Variants in CNBD1 observed in about 807,000 individuals in gnomAD.
The protein encoded by CNBD1 is cyclic nucleotide binding domain containing 1.
In CNBD1, 71 loss-of-function variants were observed where a neutral mutation model predicts 54.4. The observed-to-expected ratio is 1.30, with a 90% CI of 1.08 to 1.59. The LOEUF is 1.59. Among genes scored for constraint, CNBD1 ranks in the 40% most tolerant of loss-of-function variants. The probability of loss-of-function intolerance (pLI) is 0.00; values close to 1 mark genes in which losing one functional copy is unlikely to be tolerated. For missense variants in CNBD1, 659 were observed against 518.0 expected (o/e 1.27, Z -2.64); for synonymous variants, 182 against 170.7 (o/e 1.07, Z -0.51).
At chr8:87,218,932 T>G (rs1259347757) in intron 5 of CNBD1, among the ~76,000 whole-genome samples, 1 of 151,984 alleles carries the variant, frequency 6.6e-6, no homozygotes, top group Non-Finnish European at 1.5e-5. Context: ...TATTTTTGTA[T>G]GCTCACAAGA....
chr8:86,877,954 A>T (rs1455117199), intron 1 of CNBD1, among the ~76,000 whole-genome samples: 1 of 151,680 alleles, frequency 6.6e-6, no homozygotes. Flanking sequence ...GCAGTTTCCC[A>T]TGTGGATTTT....
At chr8:87,345,045 G>T (rs1267367778) in intron 8 of CNBD1, among the ~76,000 whole-genome samples, 2 of 152,084 alleles carry the variant, frequency 1.3e-5, no homozygotes, top group Non-Finnish European at 2.9e-5. Context: ...AGTGCACTGT[G>T]CCTTACACAT....
intron 4 of CNBD1, among the ~76,000 whole-genome samples, chr8:87,160,608 G>A (rs1812836156): frequency 6.6e-6 from 1 of 152,034 alleles, no homozygotes; most frequent in Non-Finnish European, 1.5e-5. Context: ...CTGCTTTAAA[G>A]ATAGTCTTTG....
At chr8:87,317,072 G>T (rs1383455149) in intron 8 of CNBD1, among the ~76,000 whole-genome samples, 1 of 151,690 alleles carries the variant, frequency 6.6e-6, no homozygotes, top group Non-Finnish European at 1.5e-5. Context: ...ATCTCAGAGG[G>T]TTGTTATAAG....
intron 4 of CNBD1, among the ~76,000 whole-genome samples, chr8:87,067,298 A>C (rs540306421): frequency 6.6e-6 from 1 of 152,136 alleles, no homozygotes; most frequent in African/African-American, 2.4e-5. Flanking sequence ...GATAAAGAAC[A>C]CACATTTTTC....
chr8:87,355,960 C>T (rs1810411515), intron 10 of CNBD1, among the ~76,000 whole-genome samples: 1 of 151,994 alleles, frequency 6.6e-6, no homozygotes, highest in Non-Finnish European at 1.5e-5. Context: ...CATGAAAGAG[C>T]TGGCTCTTTA....
chr8:87,106,645 C>G (rs564035458), intron 4 of CNBD1, among the ~76,000 whole-genome samples: 1 of 152,116 alleles, frequency 6.6e-6, no homozygotes, highest in Non-Finnish European at 1.5e-5. Context: ...CTTCTCTACC[C>G]TTTTTTGGTT....
intron 4 of CNBD1, among the ~76,000 whole-genome samples, chr8:87,094,008 C>G (rs2130683841): frequency 6.6e-6 from 1 of 152,300 alleles, no homozygotes; most frequent in Middle Eastern, 3.4e-3. Context: ...TTAGAACACA[C>G]TTAACCTGCA....
chr8:86,910,217 G>T (rs183804599), intron 3 of CNBD1, among the ~76,000 whole-genome samples: 1 of 152,224 alleles, frequency 6.6e-6, no homozygotes, highest in African/African-American at 2.4e-5. Context: ...TGGAGGATGG[G>T]AAAAGCCAGC....
intron 4 of CNBD1, among the ~76,000 whole-genome samples, chr8:87,005,097 G>T (rs1485569362): frequency 2.0e-5 from 3 of 151,496 alleles, no homozygotes; most frequent in Non-Finnish European, 2.9e-5. Context: ...GAAAAAGAAA[G>T]TCTCAGCAGG....
chr8:87,357,469 G>A (rs1045045151), intron 10 of CNBD1, among the ~76,000 whole-genome samples: 7 of 152,156 alleles, frequency 4.6e-5, no homozygotes, highest in Non-Finnish European at 8.8e-5. Context: ...CAACAGAGAC[G>A]ATTTTGGAGC....
At position 87,382,622 on chromosome 8, in the gene CNBD1, G is replaced by T; in HGVS notation, c.1306G>T (p.Ala436Ser). 1 of 1,536,928 alleles carries T rather than the reference G, an allele frequency of 6.5e-7. No individual in the cohort carries two copies. Among genetic ancestry groups the T allele is most frequent in the Non-Finnish European group, 8.8e-7 (1 of 1,135,690 alleles). ...AIIEDKDLFV[A>S] The stretch of plus-strand genomic sequence containing the variant: ...GTTTGTTTGTTTGCCTTTTGCAGTG[G>T]CCTAGATCTAGAAACAACCTCAGTG... The change falls in exon 11 of 11, where the codon GCC becomes TCC. Residue 436 changes from alanine to serine, a missense_variant and splice_region_variant. Ala to Ser is a moderately conservative substitution (Grantham distance 99). Coordinates refer to ENST00000518476, the MANE Select transcript of CNBD1 (RefSeq NM_173538.3).
intron 8 of CNBD1, among the ~76,000 whole-genome samples, chr8:87,337,710 TG>T (rs1309137062): frequency 1.3e-5 from 2 of 152,104 alleles, no homozygotes; most frequent in South Asian, 2.1e-4. Flanking sequence ...TGGCTGGGGG[TG>T]GGGGCTCTCA....
rs182834704 is a variant in CNBD1, at chr8:87,411,935, C to T, written c.214-16611C>T. Among the ~76,000 whole-genome samples, 148 of 151,862 alleles carry T rather than the reference C, an allele frequency of 9.7e-4. 1 individual carries two copies. In the Middle Eastern group the frequency reaches 0.01, roughly 10 times the overall value. Reference sequence around the variant, plus strand: ...TTTGTTTAAAAAAGTTTTGCTTGTACGGGAGAAGTGTTTGACATAGCTTTT... The same window carrying T: ...TTTGTTTAAAAAAGTTTTGCTTGTATGGGAGAAGTGTTTGACATAGCTTTT... On this transcript the variant is annotated intron_variant, in intron 2 of 7. Transcript: ENST00000521593.
At chr8:87,250,695 T>G (rs1181573845) in intron 6 of CNBD1, among the ~76,000 whole-genome samples, 1 of 152,172 alleles carries the variant, frequency 6.6e-6, no homozygotes, top group Non-Finnish European at 1.5e-5. Context: ...CTGGAGGACA[T>G]TATATCAAGT....
intron 8 of CNBD1, among the ~76,000 whole-genome samples, chr8:87,302,582 G>A (rs1314726511): frequency 2.0e-5 from 3 of 152,000 alleles, no homozygotes; most frequent in South Asian, 4.2e-4. Context: ...GCACAAGACA[G>A]GGATGCCCTC....
chr8:87,065,396 A>G (rs1014432605), intron 4 of CNBD1, among the ~76,000 whole-genome samples: 1 of 151,880 alleles, frequency 6.6e-6, no homozygotes, highest in African/African-American at 2.4e-5. Flanking sequence ...TCCAGAGAGG[A>G]TTTACATTGC....
chr8:87,206,314 A>C lies in CNBD1; in HGVS notation c.577+176A>C, dbSNP rs146974331. Among the ~76,000 whole-genome samples, 1,461 of 152,296 alleles carry C rather than the reference A, an allele frequency of 9.6e-3. 36 individuals are homozygous for C. Among genetic ancestry groups the C allele is most frequent in the African/African-American group, 0.028 (1,158 of 41,556 alleles). The stretch of plus-strand genomic sequence containing the variant: ...TAAGTAGTGAAATGAATAACATCTC[A>C]CATTTTAGTACTTAGAGTTTAAGAT... On this transcript the variant is annotated intron_variant, in intron 5 of 10. Transcript: ENST00000518476.
At chr8:87,426,309 G>T (rs953090688) in intron 2 of CNBD1, among the ~76,000 whole-genome samples, 4 of 152,170 alleles carry the variant, frequency 2.6e-5, no homozygotes, top group Non-Finnish European at 5.9e-5. Context: ...GCTGTAGACC[G>T]GAGCTGTTCC....
Sources: allele counts gnomAD v4.1 joint callset (sites outside exome capture counted in the v4.1 genomes callset), GRCh38; gene constraint gnomAD v4.1.1; transcripts MANE v1.5; gene names NCBI Gene and HGNC (gene_info 2026-07-23, HGNC 2026-07-21).